The following TJP3 variants were observed in gnomAD, a reference collection of about 807,000 sequenced individuals.
TJP3 encodes tight junction protein 3, also known as tight junction protein ZO-3.
TJP3 carries 85 observed loss-of-function variants against 104.2 expected under a neutral mutation model. That is an observed-to-expected ratio of 0.82 (90% CI 0.68 to 0.98). The LOEUF is 0.98. Among genes scored for constraint, TJP3 ranks in the 50% least tolerant of loss-of-function variants. The pLI is 0.00. For synonymous variants in TJP3, 550 were observed against 550.6 expected (o/e 1.00, Z 0.02); for missense variants, 1,367 against 1,322.8 (o/e 1.03, Z -0.52).
chr19:3,728,254 A>C lies in TJP3; in HGVS notation c.-9-170A>C, dbSNP rs557594703. The C allele has an allele frequency of 2.3e-4, 260 of 1,107,754 alleles. 4 individuals are homozygous for C. The South Asian group carries it at 4.2e-3, about 18-fold the overall frequency. The allele number at this position is 1,107,754 out of a possible 1,614,324, so 68.6% of individuals were successfully genotyped here. A position where few individuals can be genotyped will look rare whatever the true frequency, so the allele number is the denominator to read the frequency against. ...GACTCTGTCTCAAAAAATGAAACAA[A>C]ACAAAAAAACAAACAAAAAAACCTG... On this transcript the variant is annotated intron_variant, in intron 1 of 20. Coordinates refer to ENST00000541714, the MANE Select transcript of TJP3 (RefSeq NM_001267560.2).
Position 3,746,550 on chromosome 19 carries a change from C to T in TJP3, c.2076C>T (p.Tyr692=), listed in dbSNP as rs752367550. Residue 692 remains tyrosine, a synonymous_variant, in exon 17 of 21, where the codon TAC becomes TAT. Coordinates refer to ENST00000541714, the MANE Select transcript of TJP3 (RefSeq NM_001267560.2). This position sits in a 1 kb window ranked among gnomAD's most constrained non-coding sequence, Gnocchi z 4.1. The part of the protein sequence containing the change: ...AIERLNYVQY[Y]PIVVFFIPES... ...AGCGCCTCAACTATGTGCAGTACTA[C>T]CCCATTGTGGTCTTCTTCATCCCCG... 1 of 1,614,122 alleles carries T rather than the reference C, an allele frequency of 6.2e-7. No individual in the cohort carries two copies.
chr19:3,709,698 C>T (rs545606346), intron 1 of TJP3, among the ~76,000 whole-genome samples: 108 of 152,266 alleles, frequency 7.1e-4, no homozygotes, highest in African/African-American at 2.6e-3. Flanking sequence ...GGCTGCAGAG[C>T]TCCCAGGGAG....
rs879403765 is a variant in TJP3, at chr19:3,716,446, C to T, written c.-10+7885C>T. 1.0e-4 allele frequency among the ~76,000 whole-genome samples: 15 copies of T among 148,048 alleles called. 1 individual carries two copies. Among genetic ancestry groups the T allele is most frequent in the African/African-American group, 1.5e-4 (6 of 41,190 alleles). ...TGGTGAGAGGCACTGGCTTGGAGTT[C>T]GAGGTGCAGGGGCAAACAGAGCTGC... On this transcript the variant is annotated intron_variant, in intron 1 of 20. Transcript: ENST00000541714.
At chr19:3,717,256 C>T (rs1181534518) in intron 1 of TJP3, among the ~76,000 whole-genome samples, 5 of 146,184 alleles carry the variant, frequency 3.4e-5, no homozygotes, top group African/African-American at 7.3e-5. Context: ...CGAGCCACCA[C>T]GCCTGGCCCA....
At chr19:3,732,325 T>C (rs949750928) in intron 6 of TJP3, among the ~76,000 whole-genome samples, 2 of 152,080 alleles carry the variant, frequency 1.3e-5, no homozygotes, top group Non-Finnish European at 1.5e-5. Flanking sequence ...GGCAGCTGAC[T>C]CCTGGACCTA....
intron 1 of TJP3, among the ~76,000 whole-genome samples, chr19:3,723,806 A>ATAT (rs1555737875): frequency 1.2e-4 from 12 of 96,356 alleles, no homozygotes; most frequent in African/African-American, 3.0e-4. Context: ...AGAAAAAAAA[A>ATAT]AAATATATAT....
chr19:3,736,242 T>C lies in TJP3; in HGVS notation c.1205T>C (p.Val402Ala). ...CTGCGGCTGGCAGGGGGCAATGACG[T>C]GGGCATCTTCGTGTCCGGGGTGCAG... ...IGLRLAGGND[V>A]GIFVSGVQAG... The change falls in exon 11 of 21, where the codon GTG becomes GCG. Residue 402 changes from valine (V) to alanine (A), a missense_variant. Val to Ala is a moderately conservative substitution (Grantham distance 64). Coordinates refer to ENST00000541714, the MANE Select transcript of TJP3 (RefSeq NM_001267560.2). The C allele has an allele frequency of 1.3e-6, 2 of 1,577,778 alleles. No homozygotes were observed. The highest frequency in any genetic ancestry group is 1.7e-6 in the Non-Finnish European group (2 of 1,162,064).
At chr19:3,736,141 C>A in intron 10 of TJP3, 24 bp from the exon 11 acceptor site, 1 of 1,571,140 alleles carries the variant, frequency 6.4e-7, no homozygotes, top group East Asian at 2.2e-5. Context: ...TCTGCTCTGA[C>A]CCCATCTCTG....
At chr19:3,729,508 C>T (rs891990941) in intron 3 of TJP3, among the ~76,000 whole-genome samples, 14 of 152,020 alleles carry the variant, frequency 9.2e-5, no homozygotes, top group Non-Finnish European at 1.5e-4. Context: ...AGGCCGGGTG[C>T]AGTGGCTCAC....
intron 6 of TJP3, 48 bp from the exon 7 acceptor site, chr19:3,733,705 C>A (rs751478074): frequency 6.2e-7 from 1 of 1,604,536 alleles, no homozygotes; most frequent in South Asian, 1.1e-5. Flanking sequence ...TACTGTCTCC[C>A]ATCTCTCATT....
intron 1 of TJP3, among the ~76,000 whole-genome samples, chr19:3,725,348 T>C (rs1362560683): frequency 6.6e-6 from 1 of 152,120 alleles, no homozygotes; most frequent in Non-Finnish European, 1.5e-5. Context: ...CTGTGCTGCG[T>C]GACCTCAGGC....
At position 3,734,018 on chromosome 19, in the gene TJP3, T is replaced by C. The variant is rs573291095; in HGVS notation, c.877+106T>C. ...ATCAATGAGCCTGGTCCCTAGAGGC[T>C]CAGAGAGTGACAGGAACTTGCTGAA... is the stretch of plus-strand genomic sequence containing the variant. On this transcript the variant is annotated intron_variant, in intron 7 of 20. Transcript: ENST00000541714. The C allele has an allele frequency of 3.8e-5, 55 of 1,436,828 alleles. No individual in the cohort carries two copies. In the African/African-American group the frequency reaches 7.1e-4, roughly 18 times the overall value. The allele number at this position is 1,436,828 out of a possible 1,614,324, so 89.0% of individuals were successfully genotyped here.
chr19:3,718,201 A>G (rs2036502607), intron 1 of TJP3, among the ~76,000 whole-genome samples: 1 of 138,702 alleles, frequency 7.2e-6, no homozygotes, highest in Non-Finnish European at 1.6e-5. Flanking sequence ...CAAAAAAAAA[A>G]AAAAAAAAAA....
rs373824930 is a variant in TJP3, at chr19:3,740,606, C to G, written c.1686C>G (p.Pro562=). The change falls in exon 14 of 21, where the codon CCC becomes CCG. Residue 562 remains proline, a synonymous_variant. Coordinates refer to ENST00000541714, the MANE Select transcript of TJP3 (RefSeq NM_001267560.2). ...EAAQRAVGVG[P]GSSAGSNARA... is the part of the protein sequence containing the mutation. ...CCCAGAGGGCCGTGGGAGTCGGGCCCGGCTCCTCCGCGGGCTCCAATGCTC... is the reference window on the plus strand; with the variant it reads ...CCCAGAGGGCCGTGGGAGTCGGGCCGGGCTCCTCCGCGGGCTCCAATGCTC... 2.6e-6 allele frequency: 4 copies of G among 1,561,214 alleles called. No homozygotes were observed. The highest frequency in any genetic ancestry group is 1.9e-5 in the Admixed American group (1 of 52,038).
Position 3,730,180 on chromosome 19 carries a change from T to C in TJP3, c.261+50T>C, listed in dbSNP as rs756292243. On this transcript the variant is annotated intron_variant, in intron 4 of 20. Coordinates refer to ENST00000541714, the MANE Select transcript of TJP3 (RefSeq NM_001267560.2). This position sits in a 1 kb window ranked among gnomAD's most constrained non-coding sequence, Gnocchi z 7.3. Reference sequence around the variant, plus strand: ...CCAGCATCTCTGACCCCAGCCTGGGTCGTGCCGCTGTGGGGGTTGTAAGCT... The same window carrying C: ...CCAGCATCTCTGACCCCAGCCTGGGCCGTGCCGCTGTGGGGGTTGTAAGCT... 1.9e-6 allele frequency: 3 copies of C among 1,587,626 alleles called. No individual in the cohort carries two copies. Among genetic ancestry groups the C allele is most frequent in the Non-Finnish European group, 2.6e-6 (3 of 1,156,460 alleles).
intron 1 of TJP3, among the ~76,000 whole-genome samples, chr19:3,720,955 T>C (rs2036536644): frequency 7.2e-6 from 1 of 138,200 alleles, no homozygotes; most frequent in South Asian, 2.5e-4. Context: ...TCGCCCAGAC[T>C]GGAGTGCAGT....
At chr19:3,729,907 A>G (rs758893066) in intron 3 of TJP3, 121 bp from the exon 4 acceptor site, 88 of 747,036 alleles carry the variant, frequency 1.2e-4, no homozygotes, top group Non-Finnish European at 1.6e-4. Context: ...AGGGACACCA[A>G]TGAATTAGAA....
At chr19:3,709,133 G>A (rs2145657887) in intron 1 of TJP3, among the ~76,000 whole-genome samples, 1 of 151,478 alleles carries the variant, frequency 6.6e-6, no homozygotes, top group South Asian at 2.1e-4. Context: ...TTTTTTTTTT[G>A]AGACGGAGTT....
At chr19:3,734,720 C>G (rs1193812066) in intron 8 of TJP3, among the ~76,000 whole-genome samples, 1 of 152,148 alleles carries the variant, frequency 6.6e-6, no homozygotes, top group South Asian at 2.1e-4. Flanking sequence ...TTTGGGAGGC[C>G]GAGGAGGGTG....
Sources: gnomAD v4.1 joint callset for allele counts (sites outside exome capture counted in the v4.1 genomes callset) on GRCh38, gnomAD v4.1.1 for gene constraint, Gnocchi (gnomAD v3.1) non-coding constraint, MANE v1.5 for transcripts, NCBI Gene and HGNC (gene_info 2026-07-23, HGNC 2026-07-21) for gene names.